Variants in PREX1 observed in about 807,000 individuals in gnomAD.
PREX1 encodes phosphatidylinositol 3,4,5-trisphosphate-dependent Rac exchanger 1 protein.
Under a neutral mutation model 198.3 loss-of-function variants are expected in PREX1, and 41 were observed. That is an observed-to-expected ratio of 0.21 (90% confidence interval 0.16 to 0.27). PREX1 has a LOEUF of 0.27. Ranked by LOEUF, PREX1 falls within the 10% of genes least tolerant of loss-of-function variation. The pLI, the probability that PREX1 is intolerant of heterozygous loss-of-function variation, is 1.00. For missense variants in PREX1, 1,620 were observed against 2,200.7 expected (o/e 0.74, Z 5.28); for synonymous variants, 843 against 887.2 (o/e 0.95, Z 0.89).
intron 36 of PREX1, among the ~76,000 whole-genome samples, chr20:48,630,524 A>T (rs1385482706): frequency 6.6e-6 from 1 of 152,230 alleles, no homozygotes; most frequent in Non-Finnish European, 1.5e-5. Context: ...GGCGGCTGCC[A>T]GCGAAAATAA....
chr20:48,791,867 A>G (rs974494765), intron 1 of PREX1, among the ~76,000 whole-genome samples: 1 of 152,180 alleles, frequency 6.6e-6, no homozygotes, highest in East Asian at 1.9e-4. Context: ...AAAACTCCAC[A>G]TTTCCTGCCA....
chr20:48,665,205 T>TG, intron 15 of PREX1, among the ~76,000 whole-genome samples: 3 of 135,070 alleles, frequency 2.2e-5, no homozygotes, highest in African/African-American at 5.7e-5. Flanking sequence ...GTTCTAATCC[T>TG]GCCCCAGACG....
intron 5 of PREX1, among the ~76,000 whole-genome samples, chr20:48,715,805 A>C (rs2089959718): frequency 6.6e-6 from 1 of 152,220 alleles, no homozygotes; most frequent in Non-Finnish European, 1.5e-5. Flanking sequence ...CTTACTGTGC[A>C]CCAAGCACTG....
rs558169938 is a variant in PREX1, at chr20:48,651,373, G to A, written c.2655+23C>T. The A allele has an allele frequency of 9.5e-6, 15 of 1,581,504 alleles. No homozygotes were observed. The South Asian group carries it at 1.7e-4, about 18-fold the overall frequency. ...GCTTCAATCCCCCAGGGTAGGGCAG[G>A]GCCAGGCAGTGCCCAAGGAGACCTT... On this transcript the variant is annotated intron_variant, in intron 22 of 39. Coordinates refer to ENST00000371941, the MANE Select transcript of PREX1 (RefSeq NM_020820.4).
intron 4 of PREX1, among the ~76,000 whole-genome samples, chr20:48,730,537 G>A (rs1452370719): frequency 6.6e-6 from 1 of 152,046 alleles, no homozygotes; most frequent in Non-Finnish European, 1.5e-5. Flanking sequence ...GATTCTGGAG[G>A]TCTGGGGGCC....
At chr20:48,847,095 G>A in the PREX1 span, among the ~76,000 whole-genome samples, 2 of 152,078 alleles carry the variant, frequency 1.3e-5, no homozygotes, top group East Asian at 1.9e-4. Flanking sequence ...ACCCACACCC[G>A]GGGCCTGCTT....
At chr20:48,797,694 C>G (rs1359416572) in intron 1 of PREX1, among the ~76,000 whole-genome samples, 6 of 152,338 alleles carry the variant, frequency 3.9e-5, no homozygotes, top group African/African-American at 1.4e-4. Flanking sequence ...CCAGAAAGCA[C>G]AGTCTGGCAA....
intron 21 of PREX1, 49 bp downstream of exon 21, chr20:48,652,537 A>C: frequency 6.5e-7 from 1 of 1,549,982 alleles, no homozygotes; most frequent in Non-Finnish European, 8.8e-7. Flanking sequence ...GCCCCTCCGG[A>C]GTCTCAGTCC....
At position 48,632,539 on chromosome 20, in the gene PREX1, C is replaced by T. The variant is rs144664036; in HGVS notation, c.4368G>A (p.Glu1456=). ...YHFSKLPSRL[E]GGASLRLHTA... is the part of the protein sequence containing the mutation. The stretch of plus-strand genomic sequence containing the variant: ...TGTGCAGCCTCAGGCTGGCCCCACC[C>T]TCCAGGCGGGAGGGCAGCTTGGAGA... The change falls in exon 34 of 40, where the codon GAG becomes GAA. Residue 1456 remains glutamate, a synonymous_variant. Coordinates refer to ENST00000371941, the MANE Select transcript of PREX1 (RefSeq NM_020820.4). 4,074 of 1,614,158 alleles carry T rather than the reference C, an allele frequency of 2.5e-3. 180 individuals carry two copies. The Admixed American group carries it at 0.061, about 24-fold the overall frequency.
At chr20:48,630,553 G>T (rs2122810732) in intron 36 of PREX1, among the ~76,000 whole-genome samples, 175 bp downstream of exon 36, 1 of 152,354 alleles carries the variant, frequency 6.6e-6, no homozygotes, top group African/African-American at 2.4e-5. Flanking sequence ...AGGAAGTTGG[G>T]AATGGGGAGG....
Position 48,651,046 on chromosome 20 carries a change from C to A in PREX1, c.2665G>T (p.Ala889Ser), listed in dbSNP as rs1222656440. 3 of 1,613,966 alleles carry A rather than the reference C, an allele frequency of 1.9e-6. No homozygotes were observed. Among genetic ancestry groups the A allele is most frequent in the Non-Finnish European group, 2.5e-6 (3 of 1,179,978 alleles). The change falls in exon 23 of 40, where the codon GCC (alanine) becomes TCC (serine). Residue 889 changes from alanine (A) to serine (S), a missense_variant. Around this residue, in one of 7 missense-constraint regions of PREX1, gnomAD observed 514 missense variants for 611.6 expected, o/e 0.84. Transcript: ENST00000371941. ...AAGACGCTGTCATTGGCAGCAAAGG[C>A]CTCGAGGATCTGCAGAAATGTCAAC... is the stretch of plus-strand genomic sequence containing the variant. Reference protein sequence around the residue: ...CFGLTAKILEAFAANDSVFVE... With the variant: ...CFGLTAKILESFAANDSVFVE...
the PREX1 span, among the ~76,000 whole-genome samples, chr20:48,873,554 C>CAAAAAAAAAAAAAAAAAAAA: frequency 1.4e-5 from 1 of 70,110 alleles, no homozygotes; most frequent in African/African-American, 5.0e-5. Context: ...AGTAAAAATA[C>CAAAAAAAAAAAAAAAAAAAA]AAAAAAAAAA....
At chr20:48,733,707 G>GTTGTTGTTGTTGTTGTTGTTA (rs2122724384) in intron 4 of PREX1, among the ~76,000 whole-genome samples, 1 of 151,334 alleles carries the variant, frequency 6.6e-6, no homozygotes, top group Non-Finnish European at 1.5e-5. Context: ...TGTTGTTGCT[G>GTTGTTGTTGTTGTTGTTGTTA]TTGTTGTTGT....
intron 3 of PREX1, among the ~76,000 whole-genome samples, chr20:48,741,389 T>A (rs1182324549): frequency 6.6e-6 from 1 of 152,124 alleles, no homozygotes; most frequent in Non-Finnish European, 1.5e-5. Flanking sequence ...AGACAATGTC[T>A]CACCCTGTCA....
intron 3 of PREX1, among the ~76,000 whole-genome samples, chr20:48,737,215 CAAAAAAAAAAAAAAAAAAA>C (rs140010281): frequency 2.8e-5 from 1 of 35,300 alleles, no homozygotes; most frequent in Non-Finnish European, 5.1e-5. Flanking sequence ...GTTTTGACAG[CAAAAAAAAAAAAAAAAAAA>C]AAAAAAAAAA....
intron 10 of PREX1, among the ~76,000 whole-genome samples, chr20:48,681,678 A>ATG (rs2089751944): frequency 6.7e-6 from 1 of 150,090 alleles, no homozygotes; most frequent in Non-Finnish European, 1.5e-5. Context: ...GTGACTACAT[A>ATG]GATGGATGGA....
intron 1 of PREX1, among the ~76,000 whole-genome samples, chr20:48,825,317 G>A (rs1278614314): frequency 2.6e-5 from 4 of 152,244 alleles, no homozygotes; most frequent in Middle Eastern, 3.4e-3. Context: ...CGGATTCCCC[G>A]CTCCTTGTTT....
chr20:48,743,397 G>A (rs137964704), intron 3 of PREX1, among the ~76,000 whole-genome samples: 42 of 152,196 alleles, frequency 2.8e-4, no homozygotes, highest in Non-Finnish European at 5.9e-4. Context: ...CCGAGGCACC[G>A]TCATCTCACT....
chr20:48,692,442 G>T (rs117103840), intron 8 of PREX1: 5,380 of 427,896 alleles, frequency 0.013, 59 homozygotes, highest in Non-Finnish European at 0.018. Flanking sequence ...TTACTTCTAG[G>T]GGGAAGAAGG....
Sources: allele counts gnomAD v4.1 joint callset (sites outside exome capture counted in the v4.1 genomes callset), GRCh38; gene constraint gnomAD v4.1.1; regional missense constraint gnomAD v4.1.1; transcripts MANE v1.5; gene names NCBI Gene and HGNC (gene_info 2026-07-23, HGNC 2026-07-21).